KCNJ15: variants seen among roughly 807,000 people sequenced by gnomAD.
KCNJ15 encodes ATP-sensitive inward rectifier potassium channel 15.
In KCNJ15, 14 loss-of-function variants were observed where a neutral mutation model predicts 23.0. That is an observed-to-expected ratio of 0.61 (90% CI 0.40 to 0.95). The LOEUF is 0.95. Among genes scored for constraint, KCNJ15 ranks in the 40% least tolerant of loss-of-function variants. KCNJ15 has a pLI of 0.00. For synonymous variants in KCNJ15, 185 were observed against 183.2 expected (o/e 1.01, Z -0.08); for missense variants, 388 against 461.8 (o/e 0.84, Z 1.46).
chr21:38,245,067 C>T (rs1979267661), intron 1 of KCNJ15, among the ~76,000 whole-genome samples: 1 of 151,968 alleles, frequency 6.6e-6, no homozygotes, highest in Non-Finnish European at 1.5e-5. Flanking sequence ...CAGACACCTC[C>T]ATGACCACAG....
At chr21:38,278,914 G>T (rs1416632221) in intron 1 of KCNJ15, among the ~76,000 whole-genome samples, 1 of 152,152 alleles carries the variant, frequency 6.6e-6, no homozygotes, top group Non-Finnish European at 1.5e-5. Flanking sequence ...GCGGCAGAGT[G>T]CTTTAGGGAC....
intron 1 of KCNJ15, among the ~76,000 whole-genome samples, chr21:38,292,028 G>A (rs1052051754): frequency 3.3e-5 from 5 of 152,154 alleles, no homozygotes; most frequent in Non-Finnish European, 5.9e-5. Flanking sequence ...GGATGCTGAC[G>A]CGTAGTGAGC....
intron 2 of KCNJ15, among the ~76,000 whole-genome samples, chr21:38,298,589 A>T (rs1276321914): frequency 6.6e-6 from 1 of 152,222 alleles, no homozygotes; most frequent in African/African-American, 2.4e-5. Flanking sequence ...TATTCATTAG[A>T]TTAGGGGGAA....
At chr21:38,287,208 C>T (rs190578062) in intron 1 of KCNJ15, among the ~76,000 whole-genome samples, 106 of 152,250 alleles carry the variant, frequency 7.0e-4, no homozygotes, top group Admixed American at 1.9e-3. Context: ...ATGAGACAAA[C>T]TTCTTAGCTT....
rs1216691689 is a variant in KCNJ15 at position 38,306,297 on chromosome 21, A to G, written c.*5908A>G. 1 of 152,162 alleles carries G rather than the reference A, an allele frequency of 6.6e-6. No homozygotes were observed. The highest frequency in any genetic ancestry group is 2.4e-5 in the African/African-American group (1 of 41,430). 9.4% of individuals were successfully genotyped at this position (152,162 alleles called of 1,614,324 possible). On this transcript the variant is annotated 3_prime_UTR_variant, in exon 3 of 3. Transcript: ENST00000398938. ...ATTTCACCCTCAAAAATATTTCAGT[A>G]AATAAAAGTTAGATCTACTCAAAAT...
intron 1 of KCNJ15, among the ~76,000 whole-genome samples, chr21:38,258,506 G>A (rs1446049174): frequency 6.6e-6 from 1 of 152,148 alleles, no homozygotes; most frequent in Non-Finnish European, 1.5e-5. Context: ...GACCATCCAG[G>A]GAATGGCCCA....
At chr21:38,266,232 C>T (rs1981449725) in intron 1 of KCNJ15, among the ~76,000 whole-genome samples, 1 of 152,208 alleles carries the variant, frequency 6.6e-6, no homozygotes, top group Non-Finnish European at 1.5e-5. Flanking sequence ...TGATTTGCTG[C>T]ACCCATCAAC....
chr21:38,254,341 G>T (rs1473931379), upstream of KCNJ15, among the ~76,000 whole-genome samples: 3 of 152,112 alleles, frequency 2.0e-5, no homozygotes, highest in Admixed American at 1.3e-4. Context: ...AAATCTAATT[G>T]TTGACATATC....
At position 38,266,365 on chromosome 21, in the gene KCNJ15, A is replaced by T. The variant is rs559935373; in HGVS notation, c.-117+9180A>T. Among the ~76,000 whole-genome samples, 7 of 151,978 alleles carry T rather than the reference A, an allele frequency of 4.6e-5. No individual in the cohort carries two copies. In the South Asian group the frequency reaches 1.5e-3, roughly 32 times the overall value. On this transcript the variant is annotated intron_variant, in intron 1 of 2. Coordinates refer to ENST00000398938, the MANE Select transcript of KCNJ15 (RefSeq NM_170736.3). Reference sequence around the variant, plus strand: ...CATGTATTCTCATTGTTCAATTCCCACTTATGAATGAGAATATGCGGTGTT... The same window carrying T: ...CATGTATTCTCATTGTTCAATTCCCTCTTATGAATGAGAATATGCGGTGTT...
At chr21:38,277,668 G>T (rs536144782) in intron 1 of KCNJ15, among the ~76,000 whole-genome samples, 1 of 152,230 alleles carries the variant, frequency 6.6e-6, no homozygotes, top group South Asian at 2.1e-4. Flanking sequence ...CAGATAAAAG[G>T]AAGTTCTTCT....
At chr21:38,280,334 T>C (rs548021584) in intron 1 of KCNJ15, among the ~76,000 whole-genome samples, 14 of 152,288 alleles carry the variant, frequency 9.2e-5, no homozygotes, top group African/African-American at 3.4e-4. Context: ...TTGGAAGTCA[T>C]AATAGGGCAC....
chr21:38,280,972 C>G (rs923893141), intron 1 of KCNJ15, among the ~76,000 whole-genome samples: 6 of 152,116 alleles, frequency 3.9e-5, no homozygotes, highest in African/African-American at 1.5e-4. Context: ...ACCGTGTTGT[C>G]CAGATGAGGA....
Position 38,291,568 on chromosome 21 carries a change from T to C in KCNJ15, c.-116-5358T>C, listed in dbSNP as rs1173659474. On this transcript the variant is annotated intron_variant, in intron 1 of 2. Coordinates refer to ENST00000398938, the MANE Select transcript of KCNJ15 (RefSeq NM_170736.3). The stretch of plus-strand genomic sequence containing the variant: ...AGTAATGAGACTAAATTTTAGACAA[T>C]CTAATTTCTTGGCTTATTCATTTTC... 3.3e-5 allele frequency: 5 copies of C among 152,236 alleles called. No individual in the cohort carries two copies. In the East Asian group the frequency reaches 7.7e-4, roughly 23 times the overall value. 9.4% of individuals were successfully genotyped at this position (152,236 alleles called of 1,614,324 possible).
chr21:38,287,623 A>G (rs1455359911), intron 1 of KCNJ15, among the ~76,000 whole-genome samples: 1 of 152,158 alleles, frequency 6.6e-6, no homozygotes, highest in African/African-American at 2.4e-5. Context: ...TTCAAATTCA[A>G]CTGGGCATCT....
intron 1 of KCNJ15, among the ~76,000 whole-genome samples, chr21:38,246,463 G>A (rs767394114): frequency 5.3e-5 from 8 of 152,154 alleles, no homozygotes; most frequent in South Asian, 2.1e-4. Context: ...CTTTGAGTTC[G>A]TTGCAGCTAA....
chr21:38,232,613 T>C (rs1978348956), intron 1 of KCNJ15, among the ~76,000 whole-genome samples: 1 of 151,948 alleles, frequency 6.6e-6, no homozygotes, highest in Non-Finnish European at 1.5e-5. Flanking sequence ...AACATTGCTT[T>C]AACTGCATCC....
Position 38,247,101 on chromosome 21 carries a change from CATGGATGGATGGATGG to C in KCNJ15, c.-398-9933_-398-9918del, listed in dbSNP as rs1251368471. 1.6e-4 allele frequency among the ~76,000 whole-genome samples: 11 copies of C among 70,246 alleles called. No homozygotes were observed. The South Asian group carries it at 5.4e-3, about 34-fold the overall frequency. The allele number at this position is 70,246 out of a possible 152,430, so 46.1% of individuals were successfully genotyped here. A position where few individuals can be genotyped will look rare whatever the true frequency, so the allele number is the denominator to read the frequency against. On this transcript the variant is annotated intron_variant, in intron 1 of 4. Transcript: ENST00000547341. The stretch of plus-strand genomic sequence containing the variant: ...GGATGGATGGATGGATGGATGGATG[CATGGATGGATGGATGG>C]ATGGATGGATGCATGGATGGATGGA...
At chr21:38,290,249 G>A (rs1247196562) in intron 1 of KCNJ15, among the ~76,000 whole-genome samples, 2 of 152,104 alleles carry the variant, frequency 1.3e-5, no homozygotes, top group Non-Finnish European at 2.9e-5. Context: ...TGTCTTTGTC[G>A]AGTACAGAAG....
At chr21:38,238,662 C>T (rs1192877589) in intron 1 of KCNJ15, 21 of 540,518 alleles carry the variant, frequency 3.9e-5, no homozygotes, top group Non-Finnish European at 1.4e-5. Context: ...TGGCGCTGGG[C>T]TCTGGAGACT....
Sources: allele counts gnomAD v4.1 joint callset (sites outside exome capture counted in the v4.1 genomes callset), GRCh38; gene constraint gnomAD v4.1.1; transcripts MANE v1.5; gene names NCBI Gene and HGNC (gene_info 2026-07-23, HGNC 2026-07-21).